Variants in PDK1 observed in about 807,000 individuals in gnomAD.
PDK1 encodes [Pyruvate dehydrogenase (acetyl-transferring)] kinase isozyme 1, mitochondrial.
PDK1 carries 39 observed loss-of-function variants against 54.2 expected under a neutral mutation model. The ratio of observed to expected loss-of-function variants is 0.72; its 90% CI spans 0.56 to 0.94. The LOEUF (loss-of-function observed/expected upper bound fraction) is 0.94. Ranked by LOEUF, PDK1 falls within the 40% of genes least tolerant of loss-of-function variation. PDK1 has a pLI of 0.00. For synonymous variants in PDK1, 221 were observed against 207.1 expected (o/e 1.07, Z -0.58); for missense variants, 552 against 566.0 (o/e 0.98, Z 0.25).
chr2:172,692,508 C>T, the PDK1 span, among the ~76,000 whole-genome samples: 1 of 152,150 alleles, frequency 6.6e-6, no homozygotes, highest in Non-Finnish European at 1.5e-5. Context: ...GCCCATGCGC[C>T]ATGGAAGGCC....
At chr2:172,700,794 G>C in the PDK1 span, among the ~76,000 whole-genome samples, 2 of 152,166 alleles carry the variant, frequency 1.3e-5, no homozygotes, top group African/African-American at 4.8e-5. Flanking sequence ...TCGCGGTCAG[G>C]AGCTGGAGAC....
At chr2:172,675,038 C>T in the PDK1 span, 5 of 152,246 alleles carry the variant, frequency 3.3e-5, no homozygotes, top group Non-Finnish European at 7.3e-5. Context: ...GATCAGTGGT[C>T]TTTCATGTTA....
intron 8 of PDK1, among the ~76,000 whole-genome samples, chr2:172,576,194 G>A (rs2149249044): frequency 6.6e-6 from 1 of 152,218 alleles, no homozygotes; most frequent in South Asian, 2.1e-4. Flanking sequence ...CCAAAGTTCT[G>A]GGATTACAGG....
At chr2:172,556,491 T>G in intron 1 of PDK1, 145 bp downstream of exon 1, 1 of 521,260 alleles carries the variant, frequency 1.9e-6, no homozygotes, top group Non-Finnish European at 3.1e-6. Context: ...GCGCCTTAGG[T>G]GCTTCCTTCC....
chr2:172,676,532 A>G, the PDK1 span, among the ~76,000 whole-genome samples: 38 of 152,340 alleles, frequency 2.5e-4, no homozygotes, highest in African/African-American at 8.7e-4. Flanking sequence ...AGAATTAGAA[A>G]TGAAGCCTGG....
At chr2:172,658,898 G>T in the PDK1 span, among the ~76,000 whole-genome samples, 92 of 152,298 alleles carry the variant, frequency 6.0e-4, no homozygotes, top group African/African-American at 2.1e-3. Flanking sequence ...GTGCACAGCT[G>T]AACATAGACC....
intron 8 of PDK1, among the ~76,000 whole-genome samples, chr2:172,582,479 G>C (rs1689965713): frequency 6.6e-6 from 1 of 152,210 alleles, no homozygotes; most frequent in African/African-American, 2.4e-5. Flanking sequence ...ACATTGACAA[G>C]TGGTGCTTTT....
the PDK1 span, among the ~76,000 whole-genome samples, chr2:172,712,673 AG>A: frequency 6.6e-6 from 1 of 152,174 alleles, no homozygotes; most frequent in African/African-American, 2.4e-5. Context: ...GGAACCACAG[AG>A]CCCCAAAGAG....
chr2:172,654,503 C>T, the PDK1 span, among the ~76,000 whole-genome samples: 8 of 151,754 alleles, frequency 5.3e-5, no homozygotes, highest in Non-Finnish European at 8.8e-5. Flanking sequence ...AGCAAACTAT[C>T]GCAAGGACAG....
Position 172,603,891 on chromosome 2 carries a change from G to A in PDK1, c.*7922G>A, listed in dbSNP as rs563831221. 6.6e-6 allele frequency: 1 copy of A among 152,122 alleles called. No individual in the cohort carries two copies. The highest frequency in any genetic ancestry group is 1.9e-4 in the East Asian group (1 of 5,192). The allele number at this position is 152,122 out of a possible 1,614,324, so 9.4% of individuals were successfully genotyped here. ...ATGTCCTGTATGGGTGACTGCTGAG[G>A]GTTTAACAAAGGAGAGTCCATTTAT... is the stretch of plus-strand genomic sequence containing the variant. On this transcript the variant is annotated 3_prime_UTR_variant, in exon 11 of 11. Coordinates refer to ENST00000282077, the MANE Select transcript of PDK1 (RefSeq NM_002610.5).
chr2:172,698,750 C>A, the PDK1 span, among the ~76,000 whole-genome samples: 2 of 152,224 alleles, frequency 1.3e-5, no homozygotes, highest in Non-Finnish European at 2.9e-5. Flanking sequence ...TGGTCCTCAA[C>A]CTTGACTACA....
At chr2:172,671,299 A>C in the PDK1 span, among the ~76,000 whole-genome samples, 2 of 151,446 alleles carry the variant, frequency 1.3e-5, no homozygotes, top group East Asian at 1.9e-4. Flanking sequence ...TGTCACCTTT[A>C]TATATCACTA....
At chr2:172,581,332 C>G (rs1689896389) in intron 8 of PDK1, among the ~76,000 whole-genome samples, 1 of 152,170 alleles carries the variant, frequency 6.6e-6, no homozygotes, top group Non-Finnish European at 1.5e-5. Flanking sequence ...CTCAAGTGAT[C>G]CGTCTGCCTC....
rs71403320 is a variant in PDK1 at position 172,605,368 on chromosome 2, AT to A, written c.*9423del. On this transcript the variant is annotated 3_prime_UTR_variant, in exon 11 of 11. Coordinates refer to ENST00000282077, the MANE Select transcript of PDK1 (RefSeq NM_002610.5). ...CTGTCCAGGTTTGGTCTACACTGTA[AT>A]TTTTTTTTTTTTTTTTTTTTTTTGG... The A allele has an allele frequency of 0.014, 1,380 of 96,264 alleles. 18 individuals are homozygous for A. The highest frequency in any genetic ancestry group is 0.046 in the African/African-American group (1,164 of 25,276). The allele number at this position is 96,264 out of a possible 1,614,324, so 6.0% of individuals were successfully genotyped here. A position where few individuals can be genotyped will look rare whatever the true frequency, so the allele number is the denominator to read the frequency against.
chr2:172,586,077 T>G (rs952016900), intron 8 of PDK1, among the ~76,000 whole-genome samples: 2 of 150,002 alleles, frequency 1.3e-5, no homozygotes, highest in African/African-American at 4.9e-5. Flanking sequence ...GAGAATGGCA[T>G]GAACCCGGGA....
At chr2:172,578,984 C>A (rs1157838641) in intron 8 of PDK1, among the ~76,000 whole-genome samples, 1 of 152,124 alleles carries the variant, frequency 6.6e-6, no homozygotes, top group African/African-American at 2.4e-5. Flanking sequence ...AGGTCCTGCT[C>A]GCATAGAGCA....
the PDK1 span, among the ~76,000 whole-genome samples, chr2:172,681,876 A>C: frequency 6.6e-6 from 1 of 152,132 alleles, no homozygotes; most frequent in East Asian, 1.9e-4. Flanking sequence ...CTCAAGCCTC[A>C]AACTCCTGAT....
chr2:172,645,961 G>A, the PDK1 span, among the ~76,000 whole-genome samples: 206 of 152,338 alleles, frequency 1.4e-3, 1 homozygote, highest in African/African-American at 4.8e-3. Flanking sequence ...TCAGGCTACT[G>A]TGGGTAAACT....
chr2:172,579,492 A>G (rs1204978482), intron 8 of PDK1, among the ~76,000 whole-genome samples: 2 of 150,734 alleles, frequency 1.3e-5, no homozygotes, highest in Non-Finnish European at 2.9e-5. Context: ...AGTAGATTCT[A>G]AATGATTTTT....
Sources: allele counts gnomAD v4.1 joint callset (sites outside exome capture counted in the v4.1 genomes callset), GRCh38; gene constraint gnomAD v4.1.1; transcripts MANE v1.5; gene names NCBI Gene and HGNC (gene_info 2026-07-23, HGNC 2026-07-21).